CCDC181: variants seen among roughly 807,000 people sequenced by gnomAD.
The protein encoded by CCDC181 is coiled-coil domain containing 181.
Under a neutral mutation model 58.7 loss-of-function variants are expected in CCDC181, and 35 were observed. The ratio of observed to expected loss-of-function variants is 0.60; its 90% CI spans 0.46 to 0.79. The LOEUF is 0.79. Among genes scored for constraint, CCDC181 ranks in the 30% least tolerant of loss-of-function variants. The pLI is 0.00. For missense variants in CCDC181, 517 were observed against 583.9 expected (o/e 0.89, Z 1.18); for synonymous variants, 183 against 197.5 (o/e 0.93, Z 0.62).
rs373869006 is a variant in CCDC181, at chr1:169,418,997, G to A, written c.1215+16C>T. On this transcript the variant is annotated intron_variant, in intron 4 of 5. Transcript: ENST00000367806. Reference sequence around the variant, plus strand: ...CATATCTGTATGAACTTATTTTTCAGAGAAGTTTTACTTACTCTACTGTTC... The same window carrying A: ...CATATCTGTATGAACTTATTTTTCAAAGAAGTTTTACTTACTCTACTGTTC... 1.9e-6 allele frequency: 3 copies of A among 1,594,268 alleles called. No individual in the cohort carries two copies. The highest frequency in any genetic ancestry group is 4.5e-5 in the East Asian group (2 of 44,740).
At chr1:169,459,904 G>GGAAAAAAAA (rs1657794273) in intron 1 of CCDC181, 1 of 14,892 alleles carries the variant, frequency 6.7e-5, no homozygotes, top group Non-Finnish European at 2.2e-4. Flanking sequence ...TTTGAAATTA[G>GGAAAAAAAA]GAAAAAAAAA....
At chr1:169,445,724 A>G (rs942333752) in intron 2 of CCDC181, among the ~76,000 whole-genome samples, 6 of 152,156 alleles carry the variant, frequency 3.9e-5, no homozygotes, top group African/African-American at 1.4e-4. Flanking sequence ...TCTTGCTTAA[A>G]TATTTGGTAC....
intron 4 of CCDC181, among the ~76,000 whole-genome samples, chr1:169,409,105 A>G (rs1655823132): frequency 6.6e-6 from 1 of 152,228 alleles, no homozygotes; most frequent in Middle Eastern, 3.2e-3. Context: ...CTAAAGGAGC[A>G]TGTTCTAACA....
chr1:169,428,891 G>T (rs1478921239), upstream of CCDC181, among the ~76,000 whole-genome samples: 1 of 152,104 alleles, frequency 6.6e-6, no homozygotes, highest in Non-Finnish European at 1.5e-5. Context: ...CTGAGCTCAG[G>T]CAGTCTGCCC....
intron 2 of CCDC181, among the ~76,000 whole-genome samples, chr1:169,449,103 A>G (rs1347034918): frequency 1.3e-5 from 2 of 152,220 alleles, no homozygotes; most frequent in South Asian, 2.1e-4. Flanking sequence ...AATATTAACC[A>G]TAACTTCCTG....
intron 4 of CCDC181, among the ~76,000 whole-genome samples, chr1:169,414,793 T>G (rs1170625340): frequency 6.6e-6 from 1 of 152,198 alleles, no homozygotes; most frequent in East Asian, 1.9e-4. Context: ...ACAGAAATAA[T>G]CAACATAATG....
intron 2 of CCDC181, among the ~76,000 whole-genome samples, chr1:169,448,672 C>G (rs1411673686): frequency 6.6e-6 from 1 of 152,008 alleles, no homozygotes. Context: ...TTGGTGTTCT[C>G]TGAGCTTTCT....
intron 2 of CCDC181, among the ~76,000 whole-genome samples, chr1:169,452,116 AAG>A (rs1657559140): frequency 6.6e-6 from 1 of 152,008 alleles, no homozygotes; most frequent in South Asian, 2.1e-4. Context: ...GAAAAAAAAA[AAG>A]AGATTGGAGA....
intron 4 of CCDC181, among the ~76,000 whole-genome samples, chr1:169,403,119 A>C (rs1159706771): frequency 6.6e-6 from 1 of 152,214 alleles, no homozygotes; most frequent in African/African-American, 2.4e-5. Context: ...GAACTATCCT[A>C]AATATATATG....
At chr1:169,455,407 G>A (rs1657655422) in intron 2 of CCDC181, among the ~76,000 whole-genome samples, 1 of 151,956 alleles carries the variant, frequency 6.6e-6, no homozygotes, top group Non-Finnish European at 1.5e-5. Flanking sequence ...TCAGGCCCTA[G>A]TAATTTCAAA....
chr1:169,443,753 T>A (rs899308765), intron 2 of CCDC181, among the ~76,000 whole-genome samples: 4 of 152,156 alleles, frequency 2.6e-5, no homozygotes, highest in African/African-American at 9.6e-5. Context: ...ATATAAATAG[T>A]ATTGATGATT....
chr1:169,401,548 T>C (rs1468962549), intron 4 of CCDC181, among the ~76,000 whole-genome samples: 1 of 151,970 alleles, frequency 6.6e-6, no homozygotes, highest in East Asian at 1.9e-4. Context: ...GGGTCTGGAG[T>C]GGACCTCCAG....
At chr1:169,419,819 G>A (rs947099763) in intron 3 of CCDC181, among the ~76,000 whole-genome samples, 6 of 152,202 alleles carry the variant, frequency 3.9e-5, no homozygotes, top group East Asian at 3.9e-4. Context: ...CACTGATAAC[G>A]GAGTTGCCAA....
intron 2 of CCDC181, 85 bp from the exon 3 acceptor site, chr1:169,422,398 AT>A (rs138152809): frequency 0.035 from 33,720 of 967,484 alleles, 805 homozygotes; most frequent in Non-Finnish European, 0.042. Context: ...TGTTCATGTA[AT>A]TTATTTTATG....
intron 4 of CCDC181, among the ~76,000 whole-genome samples, chr1:169,402,455 C>G (rs1001253338): frequency 5.9e-5 from 9 of 152,192 alleles, no homozygotes; most frequent in Non-Finnish European, 1.2e-4. Flanking sequence ...AACAGCGGAT[C>G]TCTCGGCAGA....
Position 169,402,985 on chromosome 1 carries a change from A to AC in CCDC181, c.1216-5595_1216-5594insG, listed in dbSNP as rs201481359. On this transcript the variant is annotated intron_variant, in intron 4 of 5. Transcript: ENST00000367806. ...TACCAAGCAAATGGAAAACAAACAA[A>AC]AAAAAAAAAAAGCAGGGGTTGCAAT... Among the ~76,000 whole-genome samples the AC allele has an allele frequency of 4.5e-3, 668 of 147,738 alleles. 9 individuals are homozygous for AC. Among genetic ancestry groups the AC allele is most frequent in the African/African-American group, 0.016 (625 of 40,114 alleles).
chr1:169,401,968 G>A (rs773777802), intron 4 of CCDC181, among the ~76,000 whole-genome samples: 4 of 152,244 alleles, frequency 2.6e-5, no homozygotes, highest in South Asian at 4.1e-4. Flanking sequence ...TAAATGACCC[G>A]ATGGAGCTGA....
intron 2 of CCDC181, among the ~76,000 whole-genome samples, chr1:169,456,687 C>G (rs1421559615): frequency 6.6e-6 from 1 of 152,182 alleles, no homozygotes; most frequent in Admixed American, 6.5e-5. Context: ...GAACTCTGAA[C>G]TCTGAACTCT....
chr1:169,442,930 T>C (rs1350353145), intron 2 of CCDC181: 1 of 151,984 alleles, frequency 6.6e-6, no homozygotes, highest in African/African-American at 2.4e-5. Context: ...GTTGAGACTT[T>C]CATTATAGTT....
Sources: allele counts gnomAD v4.1 joint callset (sites outside exome capture counted in the v4.1 genomes callset), GRCh38; gene constraint gnomAD v4.1.1; transcripts MANE v1.5; gene names NCBI Gene and HGNC (gene_info 2026-07-23, HGNC 2026-07-21).